Variants in ATAD2B observed in about 807,000 individuals in gnomAD.
The protein encoded by ATAD2B is ATPase family AAA domain-containing protein 2B.
A neutral mutation model predicts 167.6 loss-of-function variants in ATAD2B; 40 were observed. The observed-to-expected ratio is 0.24, with a 90% confidence interval of 0.19 to 0.31. ATAD2B has a LOEUF of 0.31. ATAD2B is among the 10% of genes least tolerant of loss of function. ATAD2B has a pLI of 1.00. For synonymous variants in ATAD2B, 579 were observed against 596.5 expected (o/e 0.97, Z 0.43); for missense variants, 1,242 against 1,757.2 (o/e 0.71, Z 5.24).
chr2:23,910,235 A>G (rs1445850461), intron 1 of ATAD2B, among the ~76,000 whole-genome samples: 1 of 142,212 alleles, frequency 7.0e-6, no homozygotes, highest in African/African-American at 2.7e-5. Flanking sequence ...CTGGAGTGCA[A>G]TGGCGCGATC....
At chr2:23,838,903 C>G (rs1690438148) in intron 13 of ATAD2B, among the ~76,000 whole-genome samples, 1 of 152,098 alleles carries the variant, frequency 6.6e-6, no homozygotes, top group Non-Finnish European at 1.5e-5. Flanking sequence ...GTGCTCCCAC[C>G]TTATAGAAGA....
chr2:23,758,127 T>TA, intron 24 of ATAD2B, 26 bp from the exon 25 acceptor site: 2 of 1,496,660 alleles, frequency 1.3e-6, no homozygotes, highest in Non-Finnish European at 1.8e-6. Context: ...GGAAAAAAGA[T>TA]ATGTAGAACT....
chr2:23,720,408 T>C, the ATAD2B span, among the ~76,000 whole-genome samples: 1 of 152,022 alleles, frequency 6.6e-6, no homozygotes, highest in Non-Finnish European at 1.5e-5. Context: ...ACCCCATCTC[T>C]ATTAAAAGTA....
At chr2:23,839,725 T>C (rs1272158231) in intron 13 of ATAD2B, among the ~76,000 whole-genome samples, 1 of 152,130 alleles carries the variant, frequency 6.6e-6, no homozygotes, top group Non-Finnish European at 1.5e-5. Context: ...TTTATGAAGG[T>C]ATAATTGACA....
intron 17 of ATAD2B, among the ~76,000 whole-genome samples, chr2:23,818,005 C>A (rs1466264059): frequency 6.6e-6 from 1 of 151,886 alleles, no homozygotes; most frequent in Non-Finnish European, 1.5e-5. Context: ...TTAAACACGT[C>A]TTTTGATACT....
downstream of ATAD2B, among the ~76,000 whole-genome samples, chr2:23,744,564 T>C (rs746599934): frequency 6.6e-6 from 1 of 152,202 alleles, no homozygotes; most frequent in Non-Finnish European, 1.5e-5. Context: ...CACTCAAATA[T>C]GTAATCATTG....
intron 18 of ATAD2B, 95 bp from the exon 19 acceptor site, chr2:23,798,418 T>C (rs910014192): frequency 1.1e-6 from 1 of 942,396 alleles, no homozygotes; most frequent in African/African-American, 1.7e-5. Flanking sequence ...GTCAGGCCTA[T>C]TATGGTCATT....
At chr2:23,736,488 A>C in the ATAD2B span, among the ~76,000 whole-genome samples, 1 of 152,232 alleles carries the variant, frequency 6.6e-6, no homozygotes, top group Non-Finnish European at 1.5e-5. Flanking sequence ...CAAAGAAAAA[A>C]TCATCATGAA....
chr2:23,703,132 C>T, the ATAD2B span: 2 of 1,305,448 alleles, frequency 1.5e-6, no homozygotes, highest in Non-Finnish European at 2.0e-6. Context: ...CTTGTGACCT[C>T]TGCCCCGCAC....
intron 18 of ATAD2B, among the ~76,000 whole-genome samples, chr2:23,805,637 A>T (rs879590381): frequency 1.3e-5 from 2 of 152,180 alleles, no homozygotes; most frequent in African/African-American, 4.8e-5. Context: ...GTCAAAAGGT[A>T]TATGTATTTG....
chr2:23,770,208 C>A (rs1352559503), intron 22 of ATAD2B, among the ~76,000 whole-genome samples: 1 of 151,524 alleles, frequency 6.6e-6, no homozygotes, highest in African/African-American at 2.4e-5. Flanking sequence ...CTCAGCTACT[C>A]GGGAGGCTGA....
At position 23,905,727 on chromosome 2, in the gene ATAD2B, G is replaced by A. The variant is rs1219124704; in HGVS notation, c.217-9757C>T. On this transcript the variant is annotated intron_variant, in intron 1 of 27. Transcript: ENST00000238789. ...CAATCTCAAGTAAGAATACTTGTTT[G>A]GCTTTATAGAATTAATGTAACTTCA... Among the ~76,000 whole-genome samples the A allele has an allele frequency of 3.3e-5, 5 of 152,030 alleles. No homozygotes were observed. In the South Asian group the frequency reaches 8.3e-4, roughly 25 times the overall value.
chr2:23,793,425 C>CT (rs1181801747), intron 19 of ATAD2B, among the ~76,000 whole-genome samples: 2 of 152,114 alleles, frequency 1.3e-5, no homozygotes, highest in Non-Finnish European at 2.9e-5. Context: ...CCTTAAGAGT[C>CT]TTTTTTCTGT....
At chr2:23,819,714 T>C (rs776990730) in intron 17 of ATAD2B, 33 bp downstream of exon 17, 92 of 1,518,404 alleles carry the variant, frequency 6.1e-5, no homozygotes, top group South Asian at 4.3e-4. Flanking sequence ...AAAATCACTC[T>C]AAATACAAAG....
chr2:23,827,561 A>G (rs1339032570), intron 15 of ATAD2B, among the ~76,000 whole-genome samples: 1 of 152,224 alleles, frequency 6.6e-6, no homozygotes, highest in Non-Finnish European at 1.5e-5. Flanking sequence ...AAAAATCTAC[A>G]AAGATTTCCC....
In ATAD2B at chr2:23,888,353, A is replaced by G; in HGVS notation, c.415T>C (p.Leu139=). The G allele has an allele frequency of 6.3e-7, 1 of 1,585,218 alleles. No homozygotes were observed. The highest frequency in any genetic ancestry group is 8.6e-7 in the Non-Finnish European group (1 of 1,165,208). The change falls in exon 3 of 28, where the codon TTA becomes CTA. Residue 139 remains leucine, a synonymous_variant. Transcript: ENST00000238789. ...AGTTTTATAATAGAATACTCACATA[A>G]GCCACTATGTCCATTTGGTAATGTA... ...GATLPNGHSG[L]SLRSHPLRGE...
At chr2:23,828,817 G>C (rs760913300) in intron 15 of ATAD2B, 32 bp downstream of exon 15, 12 of 1,397,478 alleles carry the variant, frequency 8.6e-6, no homozygotes, top group Non-Finnish European at 1.2e-5. Context: ...AACAAACAAT[G>C]ACAATCAAAA....
chr2:23,898,652 G>A (rs1008776745), intron 1 of ATAD2B, among the ~76,000 whole-genome samples: 2 of 152,166 alleles, frequency 1.3e-5, no homozygotes, highest in Non-Finnish European at 2.9e-5. Context: ...ATATTTTACA[G>A]AGTTTGACTC....
chr2:23,822,552 A>G (rs1687604537), intron 16 of ATAD2B, among the ~76,000 whole-genome samples: 1 of 151,966 alleles, frequency 6.6e-6, no homozygotes, highest in Non-Finnish European at 1.5e-5. Context: ...CTCAAAAAAA[A>G]TAAATTACCA....
Sources: allele counts gnomAD v4.1 joint callset (sites outside exome capture counted in the v4.1 genomes callset), GRCh38; gene constraint gnomAD v4.1.1; transcripts MANE v1.5; gene names NCBI Gene and HGNC (gene_info 2026-07-23, HGNC 2026-07-21).